PCNX2: variants seen among roughly 807,000 people sequenced by gnomAD.
PCNX2 encodes pecanex-like protein 2.
A neutral mutation model predicts 223.8 loss-of-function variants in PCNX2; 168 were observed. That is an observed-to-expected ratio of 0.75 (90% CI 0.66 to 0.85). The LOEUF is 0.85. Among genes scored for constraint, PCNX2 ranks in the 40% least tolerant of loss-of-function variants. The pLI is 0.00. For synonymous variants in PCNX2, 1,006 were observed against 1,052.6 expected (o/e 0.96, Z 0.86); for missense variants, 2,507 against 2,675.5 (o/e 0.94, Z 1.39).
intron 23 of PCNX2, chr1:233,057,597 C>A (rs999574737): frequency 3.9e-6 from 1 of 254,750 alleles, no homozygotes; most frequent in Non-Finnish European, 7.6e-6. Context: ...AGGCTGAGCA[C>A]GGTGGCTCAT....
At chr1:233,053,561 G>A (rs1014126644) in intron 25 of PCNX2, among the ~76,000 whole-genome samples, 38 of 152,122 alleles carry the variant, frequency 2.5e-4, no homozygotes, top group Admixed American at 2.5e-3. Flanking sequence ...CGTGTCCATT[G>A]CATCTCCAGT....
intron 23 of PCNX2, among the ~76,000 whole-genome samples, chr1:233,061,407 A>C (rs548789265): frequency 2.0e-5 from 3 of 152,320 alleles, no homozygotes; most frequent in African/African-American, 7.2e-5. Context: ...CGCAGCTCAG[A>C]ATGATTTGGC....
At chr1:233,293,873 T>C (rs1295714826) in intron 1 of PCNX2, 1 of 808,844 alleles carries the variant, frequency 1.2e-6, no homozygotes, top group African/African-American at 1.9e-5. Flanking sequence ...GTGAGGGCTG[T>C]GCTCCTCATG....
intron 23 of PCNX2, among the ~76,000 whole-genome samples, chr1:233,081,302 C>A (rs750369705): frequency 6.6e-6 from 1 of 152,128 alleles, no homozygotes; most frequent in Non-Finnish European, 1.5e-5. Context: ...GCCGAGATCA[C>A]GCCACTGCAC....
At chr1:233,110,031 G>C (rs1255314228) in intron 21 of PCNX2, among the ~76,000 whole-genome samples, 1 of 152,202 alleles carries the variant, frequency 6.6e-6, no homozygotes, top group Non-Finnish European at 1.5e-5. Context: ...AGAGGTTATA[G>C]TGAGCTGAGA....
chr1:233,109,511 G>A lies in PCNX2; in HGVS notation c.3838-13648C>T, dbSNP rs1049126275. On this transcript the variant is annotated intron_variant, in intron 21 of 33. Coordinates refer to ENST00000258229, the MANE Select transcript of PCNX2 (RefSeq NM_014801.4). ...AAAAAGTCAAGTGGAAATGATAGAAGTGAAAAACACAGTCACAGATATAGA... is the reference window on the plus strand; with the variant it reads ...AAAAAGTCAAGTGGAAATGATAGAAATGAAAAACACAGTCACAGATATAGA... 3.0e-4 allele frequency among the ~76,000 whole-genome samples: 45 copies of A among 152,316 alleles called. 1 individual carries two copies. The highest frequency in any genetic ancestry group is 8.7e-4 in the African/African-American group (36 of 41,568).
chr1:233,151,849 A>G (rs1388429727), intron 19 of PCNX2, among the ~76,000 whole-genome samples: 2 of 152,024 alleles, frequency 1.3e-5, no homozygotes, highest in African/African-American at 2.4e-5. Context: ...CAATTTTTGT[A>G]TTTTTAGTAG....
intron 7 of PCNX2, among the ~76,000 whole-genome samples, chr1:233,251,593 T>A (rs1292626928): frequency 6.6e-6 from 1 of 152,216 alleles, no homozygotes; most frequent in African/African-American, 2.4e-5. Context: ...CTGTGGAGGC[T>A]TTCATGTAAG....
intron 10 of PCNX2, among the ~76,000 whole-genome samples, chr1:233,226,377 C>A (rs1343984819): frequency 6.6e-6 from 1 of 152,224 alleles, no homozygotes; most frequent in Non-Finnish European, 1.5e-5. Context: ...TCAAGCAATT[C>A]TCTAGCCTCA....
intron 16 of PCNX2, among the ~76,000 whole-genome samples, chr1:233,178,380 AT>A (rs1679606671): frequency 6.6e-6 from 1 of 152,212 alleles, no homozygotes; most frequent in Non-Finnish European, 1.5e-5. Flanking sequence ...TCTTTCATAA[AT>A]TTAAACAAAT....
rs1669476725 is a variant in PCNX2 at position 232,986,271 on chromosome 1, G to C, written c.6061C>G (p.Leu2021Val). The change falls in exon 33 of 34, where the codon CTG becomes GTG. Residue 2021 changes from leucine (L) to valine (V), a missense_variant. This residue lies in a region of PCNX2 where 1,372 missense variants were observed against 1,509.4 expected (regional missense o/e 0.91). Transcript: ENST00000258229. ...ERAEALIRSS[L>V]GSSTSSTLSF... is the part of the protein sequence containing the mutation. Reference sequence around the variant, plus strand: ...AGGGTGGAGCTGGTGGAGGAGCCCAGGCTGGACCTGATGAGCGCCTCGGCC... The same window carrying C: ...AGGGTGGAGCTGGTGGAGGAGCCCACGCTGGACCTGATGAGCGCCTCGGCC... The C allele has an allele frequency of 6.4e-7, 1 of 1,562,358 alleles. No individual in the cohort carries two copies. Among genetic ancestry groups the C allele is most frequent in the Admixed American group, 1.9e-5 (1 of 52,252 alleles).
chr1:233,189,621 G>C (rs865818795), intron 15 of PCNX2, among the ~76,000 whole-genome samples: 1 of 152,100 alleles, frequency 6.6e-6, no homozygotes, highest in Non-Finnish European at 1.5e-5. Flanking sequence ...TTTAAACCCT[G>C]AGTGCCTGTA....
intron 1 of PCNX2, chr1:233,289,172 A>G: frequency 2.4e-6 from 2 of 832,216 alleles, no homozygotes; most frequent in Non-Finnish European, 4.3e-6. Context: ...CGATAAAGAC[A>G]ACATGCTTCC....
chr1:233,247,578 C>G (rs1458416405), intron 8 of PCNX2, among the ~76,000 whole-genome samples: 1 of 152,100 alleles, frequency 6.6e-6, no homozygotes, highest in East Asian at 1.9e-4. Context: ...CCCACCTCAG[C>G]CTTCAAAAGT....
chr1:233,025,269 C>G lies in PCNX2; in HGVS notation c.4482G>C (p.Trp1494Cys). 1 of 1,613,998 alleles carries G rather than the reference C, an allele frequency of 6.2e-7. No individual in the cohort carries two copies. The highest frequency in any genetic ancestry group is 8.5e-7 in the Non-Finnish European group (1 of 1,179,896). The change falls in exon 26 of 34, where the codon TGG becomes TGC. Residue 1494 changes from tryptophan to cysteine, a missense_variant. Coordinates refer to ENST00000258229, the MANE Select transcript of PCNX2 (RefSeq NM_014801.4). ...GGGTCTGCGTGATTTCCCAGGTGAG[C>G]CAGCGGAGGTGAAAGGCAGCGTTGC... The part of the protein sequence containing the change: ...LSCNAAFHLR[W>C]LTWEITQTQY...
rs1294213120 is a variant in PCNX2, at chr1:232,984,296, C to T, written c.*8G>A. 2 of 1,591,072 alleles carry T rather than the reference C, an allele frequency of 1.3e-6. No individual in the cohort carries two copies. Among genetic ancestry groups the T allele is most frequent in the African/African-American group, 2.7e-5 (2 of 74,318 alleles). ...GGGAGCCAGCCTCCCCGCCCGGCCG[C>T]ACGCCCGTCACTGCTCGTCTGACAC... On this transcript the variant is annotated 3_prime_UTR_variant, in exon 34 of 34. Transcript: ENST00000258229.
intron 13 of PCNX2, among the ~76,000 whole-genome samples, chr1:233,204,734 T>A (rs557081821): frequency 6.6e-5 from 10 of 152,376 alleles, no homozygotes; most frequent in African/African-American, 2.4e-4. Flanking sequence ...AACACATTCA[T>A]TCCATAGGGA....
Position 233,233,767 on chromosome 1 carries a change from C to G in PCNX2, c.2358+3078G>C, listed in dbSNP as rs545666655. On this transcript the variant is annotated intron_variant, in intron 9 of 33. Transcript: ENST00000258229. Reference sequence around the variant, plus strand: ...AGGAGGGGATTAAAGTCTTGTCTTCCGAGCCTTATCTCCTGCTTGCTTTTG... The same window carrying G: ...AGGAGGGGATTAAAGTCTTGTCTTCGGAGCCTTATCTCCTGCTTGCTTTTG... Among the ~76,000 whole-genome samples, 8 of 151,870 alleles carry G rather than the reference C, an allele frequency of 5.3e-5. No individual in the cohort carries two copies. In the East Asian group the frequency reaches 9.8e-4, roughly 19 times the overall value.
intron 8 of PCNX2, among the ~76,000 whole-genome samples, chr1:233,242,194 A>G (rs1346790665): frequency 6.6e-6 from 1 of 152,234 alleles, no homozygotes; most frequent in Admixed American, 6.5e-5. Flanking sequence ...AGCCTAATTT[A>G]TAAACTAAAA....
Sources: allele counts gnomAD v4.1 joint callset (sites outside exome capture counted in the v4.1 genomes callset), GRCh38; gene constraint gnomAD v4.1.1; regional missense constraint gnomAD v4.1.1; transcripts MANE v1.5; gene names NCBI Gene and HGNC (gene_info 2026-07-23, HGNC 2026-07-21).